Variants in CFAP77 observed in about 807,000 individuals in gnomAD.
The protein encoded by CFAP77 is cilia- and flagella-associated protein 77.
Under a neutral mutation model 31.1 loss-of-function variants are expected in CFAP77, and 25 were observed. The observed-to-expected ratio is 0.80, with a 90% confidence interval of 0.59 to 1.12. The LOEUF is 1.12. Among genes scored for constraint, CFAP77 ranks in the 50% most tolerant of loss-of-function variants. The pLI, the probability that CFAP77 is intolerant of heterozygous loss-of-function variation, is 0.00. For missense variants in CFAP77, 377 were observed against 397.3 expected, an observed-to-expected ratio of 0.95 and a Z score of 0.44; for synonymous variants, 151 against 159.9, an observed-to-expected ratio of 0.94 and a Z score of 0.42.
chr9:132,565,881 G>A lies in CFAP77; in HGVS notation c.733-6507G>A, dbSNP rs940134399. On this transcript the variant is annotated intron_variant, in intron 5 of 5. Transcript: ENST00000393216. The surrounding 1 kb of genome is among the most constrained non-coding windows in gnomAD (Gnocchi z 4.1). ...CCGGGATAAAGCCTCCCGCTCGCCC[G>A]GCTCCCAGGGCTGCTGGCGGCTGTG... Among the ~76,000 whole-genome samples, 3 of 152,174 alleles carry A rather than the reference G, an allele frequency of 2.0e-5. No homozygotes were observed. The highest frequency in any genetic ancestry group is 4.4e-5 in the Non-Finnish European group (3 of 68,034).
chr9:132,458,280 T>A (rs1850956916), intron 1 of CFAP77, among the ~76,000 whole-genome samples: 1 of 143,548 alleles, frequency 7.0e-6, no homozygotes, highest in African/African-American at 2.6e-5. Flanking sequence ...CAGCTTACGG[T>A]CGCAGCGACA....
At chr9:132,446,543 A>G (rs1192529042) in intron 1 of CFAP77, among the ~76,000 whole-genome samples, 3 of 152,020 alleles carry the variant, frequency 2.0e-5, no homozygotes, top group East Asian at 1.9e-4. Context: ...GATCGAGACC[A>G]TCCTTGCTAA....
chr9:132,539,657 G>C lies in CFAP77; in HGVS notation c.630+1951G>C, dbSNP rs1369256349. Among the ~76,000 whole-genome samples, 2 of 152,178 alleles carry C rather than the reference G, an allele frequency of 1.3e-5. No homozygotes were observed. The highest frequency in any genetic ancestry group is 2.9e-5 in the Non-Finnish European group (2 of 68,026). ...TCAGGAGGGGCCAGGAGGGGTGCACGAAGTGGGAGGCTGAGGATTTCCAGG... is the reference window on the plus strand; with the variant it reads ...TCAGGAGGGGCCAGGAGGGGTGCACCAAGTGGGAGGCTGAGGATTTCCAGG... On this transcript the variant is annotated intron_variant, in intron 4 of 5. Coordinates refer to ENST00000393216, the MANE Select transcript of CFAP77 (RefSeq NM_001282957.2). The surrounding 1 kb of genome is among the most constrained non-coding windows in gnomAD (Gnocchi z 4.3).
intron 3 of CFAP77, among the ~76,000 whole-genome samples, chr9:132,502,867 G>T (rs1053811301): frequency 2.2e-4 from 33 of 152,160 alleles, no homozygotes; most frequent in Non-Finnish European, 4.4e-4. Context: ...TTAAGTTTTT[G>T]GGGACCCGCC....
intron 1 of CFAP77, among the ~76,000 whole-genome samples, chr9:132,414,916 T>C (rs893983192): frequency 6.6e-6 from 1 of 152,062 alleles, no homozygotes; most frequent in Non-Finnish European, 1.5e-5. Flanking sequence ...TTAACATCTC[T>C]AATAAATATT....
At chr9:132,467,992 T>A (rs1851184296) in intron 1 of CFAP77, among the ~76,000 whole-genome samples, 1 of 151,952 alleles carries the variant, frequency 6.6e-6, no homozygotes, top group African/African-American at 2.4e-5. Flanking sequence ...CAGATGTGGA[T>A]CTGATGAGCT....
At chr9:132,542,329 G>A (rs1852658537) in intron 4 of CFAP77, among the ~76,000 whole-genome samples, 1 of 152,226 alleles carries the variant, frequency 6.6e-6, no homozygotes, top group Admixed American at 6.5e-5. Context: ...TTTTGGGTCA[G>A]TCTAGAACAG....
At chr9:132,454,837 G>A (rs1452613904) in intron 1 of CFAP77, among the ~76,000 whole-genome samples, 4 of 152,140 alleles carry the variant, frequency 2.6e-5, no homozygotes, top group African/African-American at 9.7e-5. Flanking sequence ...GTGGACCTCA[G>A]GCACCTAAGG....
chr9:132,543,124 T>A, intron 5 of CFAP77, 77 bp downstream of exon 5: 1 of 1,177,788 alleles, frequency 8.5e-7, no homozygotes, highest in African/African-American at 1.5e-5. Flanking sequence ...TTACCTGCTG[T>A]CTCTGGGTTC....
At chr9:132,486,533 G>C (rs1851561723) in intron 1 of CFAP77, among the ~76,000 whole-genome samples, 1 of 152,156 alleles carries the variant, frequency 6.6e-6, no homozygotes, top group African/African-American at 2.4e-5. Flanking sequence ...AATCTCAGAT[G>C]ATACCTAGCT....
intron 5 of CFAP77, among the ~76,000 whole-genome samples, chr9:132,544,313 C>T (rs1490386305): frequency 6.6e-6 from 1 of 152,180 alleles, no homozygotes; most frequent in Non-Finnish European, 1.5e-5. Flanking sequence ...TGGAGGGAGT[C>T]ACTGCAGCTC....
intron 1 of CFAP77, chr9:132,482,363 G>A (rs199716534): frequency 5.0e-6 from 8 of 1,613,888 alleles, no homozygotes; most frequent in East Asian, 4.5e-5. Flanking sequence ...ACTCCTCAGC[G>A]GTGCAGAAAG....
chr9:132,567,992 T>A (rs1302311538), intron 5 of CFAP77, among the ~76,000 whole-genome samples: 1 of 152,158 alleles, frequency 6.6e-6, no homozygotes, highest in East Asian at 1.9e-4. Flanking sequence ...TCTCAAGTTC[T>A]GGGGGTTAGT....
In CFAP77 at chr9:132,565,679, A is replaced by G. The variant is rs966578634; in HGVS notation, c.733-6709A>G. On this transcript the variant is annotated intron_variant, in intron 5 of 5. Transcript: ENST00000393216. The surrounding 1 kb of genome is among the most constrained non-coding windows in gnomAD (Gnocchi z 4.1). ...TTGTCTAAATGTCACAAACAATCAC[A>G]TGTACAGTGTGTTTAGTGACCGCTT... Among the ~76,000 whole-genome samples, 1 of 151,850 alleles carries G rather than the reference A, an allele frequency of 6.6e-6. No homozygotes were observed. Among genetic ancestry groups the G allele is most frequent in the African/African-American group, 2.4e-5 (1 of 41,336 alleles).
At chr9:132,553,966 A>G (rs1167974050) in intron 5 of CFAP77, among the ~76,000 whole-genome samples, 1 of 152,250 alleles carries the variant, frequency 6.6e-6, no homozygotes, top group Non-Finnish European at 1.5e-5. Context: ...AATAGTAGTA[A>G]TAACAGTACA....
rs1046228053 is a variant in CFAP77, at chr9:132,445,562, G to T, written c.195+35096G>T. Among the ~76,000 whole-genome samples the T allele has an allele frequency of 3.2e-4, 49 of 152,208 alleles. No homozygotes were observed. The South Asian group carries it at 3.9e-3, about 12-fold the overall frequency. ...TATGAAGATGGGGGCACAGGTTATT[G>T]GCTTTTGAAAAACAAAATAAATATG... On this transcript the variant is annotated intron_variant, in intron 1 of 5. Coordinates refer to ENST00000393216, the MANE Select transcript of CFAP77 (RefSeq NM_001282957.2).
chr9:132,520,938 C>A lies in CFAP77; in HGVS notation c.525-16663C>A, dbSNP rs529944435. ...ATCCCTACCCCACTGCCTGGGCAGACCCTTTCAGTATCACACAGAAGCACA... is the reference window on the plus strand; with the variant it reads ...ATCCCTACCCCACTGCCTGGGCAGAACCTTTCAGTATCACACAGAAGCACA... On this transcript the variant is annotated intron_variant, in intron 3 of 5. Transcript: ENST00000393216. Among the ~76,000 whole-genome samples the A allele has an allele frequency of 2.0e-5, 3 of 152,366 alleles. No individual in the cohort carries two copies. The South Asian group carries it at 6.2e-4, about 32-fold the overall frequency.
At chr9:132,414,508 C>G (rs1255684558) in intron 1 of CFAP77, among the ~76,000 whole-genome samples, 1 of 148,828 alleles carries the variant, frequency 6.7e-6, no homozygotes, top group Non-Finnish European at 1.5e-5. Context: ...TTCACACACA[C>G]ACACACACAC....
chr9:132,458,357 G>GAGGGGT (rs1554738861), intron 1 of CFAP77, among the ~76,000 whole-genome samples: 1 of 119,044 alleles, frequency 8.4e-6, no homozygotes, highest in Non-Finnish European at 1.7e-5. Context: ...GAGGGGGGGG[G>GAGGGGT]GTGTGTATGG....
Sources: allele counts gnomAD v4.1 joint callset (sites outside exome capture counted in the v4.1 genomes callset), GRCh38; gene constraint gnomAD v4.1.1; non-coding constraint Gnocchi (gnomAD v3.1); transcripts MANE v1.5; gene names NCBI Gene and HGNC (gene_info 2026-07-23, HGNC 2026-07-21).